The following SMAD6 variants were observed in gnomAD, a reference collection of about 807,000 sequenced individuals.
SMAD6 encodes the protein SMAD family member 6, also known as MAD homolog 6.
SMAD6 carries 103 observed loss-of-function variants against 39.4 expected under a neutral mutation model. That is an observed-to-expected ratio of 2.62 (90% CI 2.23 to 3.08). The LOEUF is 3.08. Among genes scored for constraint, SMAD6 ranks in the 30% most tolerant of loss-of-function variants. The pLI, the probability that SMAD6 is intolerant of heterozygous loss-of-function variation, is 0.00. For synonymous variants in SMAD6, 445 were observed against 353.3 expected, an observed-to-expected ratio of 1.26 and a Z score of -2.91; for missense variants, 1,104 against 742.9, an observed-to-expected ratio of 1.49 and a Z score of -5.65.
intron 2 of SMAD6, among the ~76,000 whole-genome samples, chr15:66,714,643 C>G (rs1893293135): frequency 6.6e-6 from 1 of 152,174 alleles, no homozygotes; most frequent in African/African-American, 2.4e-5. Flanking sequence ...GGAGGCGGGA[C>G]CTGAACCTGG....
intron 3 of SMAD6, among the ~76,000 whole-genome samples, chr15:66,753,163 C>A (rs1294201500): frequency 1.3e-5 from 2 of 152,102 alleles, no homozygotes; most frequent in African/African-American, 4.8e-5. Flanking sequence ...CCTTCCTCTT[C>A]TCCACAGCCT....
intron 1 of SMAD6, 48 bp from the exon 2 acceptor site, chr15:66,711,620 T>C: frequency 7.1e-7 from 1 of 1,412,512 alleles, no homozygotes; most frequent in Non-Finnish European, 1.0e-6. Context: ...GAACCTGAGG[T>C]GTGAGCTCCC....
chr15:66,707,988 T>TG (rs1893152466), intron 1 of SMAD6: 1 of 152,304 alleles, frequency 6.6e-6, no homozygotes, highest in South Asian at 2.1e-4. Context: ...AAGTACCCCC[T>TG]GGGGGCTAAC....
chr15:66,703,207 C>A lies in SMAD6; in HGVS notation c.-52C>A. Reference sequence around the variant, plus strand: ...CGGCGCCTCGCTGAGGGAACGGACCCCCGGTAACCGGAGACCGCCTCCCCC... The same window carrying A: ...CGGCGCCTCGCTGAGGGAACGGACCACCGGTAACCGGAGACCGCCTCCCCC... On this transcript the variant is annotated 5_prime_UTR_variant, in exon 1 of 4. Coordinates refer to ENST00000288840, the MANE Select transcript of SMAD6 (RefSeq NM_005585.5). 1 of 1,291,478 alleles carries A rather than the reference C, an allele frequency of 7.7e-7. No individual in the cohort carries two copies. Among genetic ancestry groups the A allele is most frequent in the Non-Finnish European group, 1.0e-6 (1 of 998,038 alleles). 80.0% of individuals were successfully genotyped at this position (1,291,478 alleles called of 1,614,324 possible). A position where few individuals can be genotyped will look rare whatever the true frequency, so the allele number is the denominator to read the frequency against.
chr15:66,711,487 C>T (rs1391714797), intron 1 of SMAD6, among the ~76,000 whole-genome samples, 181 bp from the exon 2 acceptor site: 2 of 152,212 alleles, frequency 1.3e-5, no homozygotes, highest in African/African-American at 4.8e-5. Context: ...CCATATCTGT[C>T]TGTGCCCCAA....
chr15:66,729,778 A>G lies in SMAD6; in HGVS notation c.952+13280A>G, dbSNP rs74319175. 7.5e-3 allele frequency among the ~76,000 whole-genome samples: 1,136 copies of G among 152,274 alleles called. 25 individuals are homozygous for G. In the East Asian group the frequency reaches 0.076, roughly 10 times the overall value. The stretch of plus-strand genomic sequence containing the variant: ...CGAGTTACCAGGGTTTTCCACGGAA[A>G]TAACTTATTAAAGGGGCCGTGCACA... On this transcript the variant is annotated intron_variant, in intron 3 of 3. Coordinates refer to ENST00000288840, the MANE Select transcript of SMAD6 (RefSeq NM_005585.5).
intron 3 of SMAD6, among the ~76,000 whole-genome samples, chr15:66,745,917 G>C (rs1893899751): frequency 6.6e-6 from 1 of 152,182 alleles, no homozygotes. Flanking sequence ...AAGTCCTGTG[G>C]TACCCCCTCC....
intron 1 of SMAD6, chr15:66,705,209 AG>A (rs1893084821): frequency 6.6e-6 from 1 of 152,228 alleles, no homozygotes; most frequent in South Asian, 2.1e-4. Context: ...TCTGTGTGGA[AG>A]GGGAAAGTGG....
chr15:66,708,508 G>A (rs1280270813), intron 1 of SMAD6, among the ~76,000 whole-genome samples: 2 of 152,208 alleles, frequency 1.3e-5, no homozygotes, highest in African/African-American at 4.8e-5. Context: ...GCCAAAGAGA[G>A]GAAGCAACCC....
At chr15:66,737,175 G>A (rs1893727204) in intron 3 of SMAD6, among the ~76,000 whole-genome samples, 1 of 152,198 alleles carries the variant, frequency 6.6e-6, no homozygotes, top group Admixed American at 6.5e-5. Context: ...CAGGCCCAGG[G>A]TCAGCCTGGC....
intron 3 of SMAD6, among the ~76,000 whole-genome samples, chr15:66,761,467 C>T (rs1894197728): frequency 6.6e-6 from 1 of 152,176 alleles, no homozygotes; most frequent in South Asian, 2.1e-4. Context: ...GGAGTTGTTC[C>T]GACAGCGATG....
intron 1 of SMAD6, among the ~76,000 whole-genome samples, chr15:66,711,157 A>G (rs1290740274): frequency 6.6e-6 from 1 of 152,230 alleles, no homozygotes; most frequent in Non-Finnish European, 1.5e-5. Context: ...ATTGAAAGGG[A>G]CACACTTATA....
intron 3 of SMAD6, among the ~76,000 whole-genome samples, chr15:66,767,561 A>G (rs1183177874): frequency 6.6e-6 from 1 of 152,176 alleles, no homozygotes; most frequent in Non-Finnish European, 1.5e-5. Context: ...GCACAGTCAC[A>G]GAGAATAGAC....
chr15:66,708,818 TA>T (rs942573511), intron 1 of SMAD6: 89 of 448,460 alleles, frequency 2.0e-4, no homozygotes, highest in African/African-American at 6.7e-4. Context: ...CTTTTTGCGA[TA>T]AAAAAAATGT....
At chr15:66,774,825 C>G (rs1371500707) in intron 3 of SMAD6, among the ~76,000 whole-genome samples, 1 of 144,392 alleles carries the variant, frequency 6.9e-6, no homozygotes, top group East Asian at 2.0e-4. Context: ...GGGGTAACCA[C>G]TATTCTGATT....
chr15:66,757,311 G>C (rs1054897259), intron 3 of SMAD6, among the ~76,000 whole-genome samples: 1 of 152,186 alleles, frequency 6.6e-6, no homozygotes, highest in African/African-American at 2.4e-5. Context: ...TGGTGTCTAG[G>C]GGGTGTCAGA....
intron 3 of SMAD6, among the ~76,000 whole-genome samples, chr15:66,722,776 G>A (rs1893456869): frequency 6.6e-6 from 1 of 152,072 alleles, no homozygotes; most frequent in Admixed American, 6.6e-5. Flanking sequence ...TGTGAGGGGG[G>A]GTCGGCAGGA....
intron 3 of SMAD6, among the ~76,000 whole-genome samples, chr15:66,727,998 C>T (rs1893553290): frequency 6.6e-6 from 1 of 152,098 alleles, no homozygotes; most frequent in Admixed American, 6.5e-5. Context: ...GGATTACAGG[C>T]ATGCACCACC....
At chr15:66,714,025 C>T (rs1042159845) in intron 2 of SMAD6, among the ~76,000 whole-genome samples, 1 of 152,184 alleles carries the variant, frequency 6.6e-6, no homozygotes, top group Non-Finnish European at 1.5e-5. Context: ...CCTCGGAGGC[C>T]TGTCTCAGCA....
Sources: gnomAD v4.1 joint callset for allele counts (sites outside exome capture counted in the v4.1 genomes callset) on GRCh38, gnomAD v4.1.1 for gene constraint, MANE v1.5 for transcripts, NCBI Gene and HGNC (gene_info 2026-07-23, HGNC 2026-07-21) for gene names.